Variants in CADPS observed in about 807,000 individuals in gnomAD.
The protein encoded by CADPS is calcium dependent secretion activator, also known as calcium-dependent secretion activator 1.
Under a neutral mutation model 167.3 loss-of-function variants are expected in CADPS, and 57 were observed. The observed-to-expected ratio is 0.34, with a 90% CI of 0.28 to 0.42. The LOEUF is 0.42. Ranked by LOEUF, CADPS falls within the 20% of genes least tolerant of loss-of-function variation. The pLI is 1.00. For synonymous variants in CADPS, 676 were observed against 635.3 expected, an observed-to-expected ratio of 1.06 and a Z score of -0.96; for missense variants, 1,414 against 1,738.1, an observed-to-expected ratio of 0.81 and a Z score of 3.32.
intron 1 of CADPS, among the ~76,000 whole-genome samples, chr3:62,837,480 C>T (rs148070985): frequency 6.6e-6 from 1 of 152,310 alleles, no homozygotes; most frequent in Admixed American, 6.5e-5. Flanking sequence ...ATGGAGAAAG[C>T]ATAGCCGTGG....
intron 28 of CADPS, among the ~76,000 whole-genome samples, chr3:62,419,779 T>C (rs2050919161): frequency 6.6e-6 from 1 of 152,126 alleles, no homozygotes; most frequent in South Asian, 2.1e-4. Context: ...GCATACCATA[T>C]AGAAATGATT....
At chr3:62,501,243 A>G (rs989712050) in intron 17 of CADPS, among the ~76,000 whole-genome samples, 3 of 152,230 alleles carry the variant, frequency 2.0e-5, no homozygotes, top group African/African-American at 7.2e-5. Context: ...ATTTAGAGAA[A>G]GAGTGTATGA....
At chr3:62,636,672 T>C (rs2066375899) in intron 6 of CADPS, among the ~76,000 whole-genome samples, 1 of 152,034 alleles carries the variant, frequency 6.6e-6, no homozygotes, top group Admixed American at 6.6e-5. Context: ...ACATAGAAAG[T>C]ATTATCTTAG....
intron 1 of CADPS, among the ~76,000 whole-genome samples, chr3:62,831,386 T>C (rs2075051875): frequency 6.6e-6 from 1 of 152,146 alleles, no homozygotes; most frequent in Non-Finnish European, 1.5e-5. Context: ...TTTTATCCCC[T>C]GCATGAGGCT....
At chr3:62,655,111 G>A (rs903601230) in intron 4 of CADPS, among the ~76,000 whole-genome samples, 2 of 152,098 alleles carry the variant, frequency 1.3e-5, no homozygotes, top group African/African-American at 4.8e-5. Context: ...AGTTCCTAAT[G>A]ACATCATAAA....
intron 3 of CADPS, among the ~76,000 whole-genome samples, chr3:62,699,722 C>T (rs1054399893): frequency 1.3e-4 from 20 of 152,062 alleles, no homozygotes; most frequent in African/African-American, 4.8e-4. Context: ...GCATCTGCCA[C>T]CACACCCGGC....
At chr3:62,533,954 C>T (rs1440381175) in intron 12 of CADPS, among the ~76,000 whole-genome samples, 1 of 152,090 alleles carries the variant, frequency 6.6e-6, no homozygotes, top group Non-Finnish European at 1.5e-5. Flanking sequence ...CTCTGCTATA[C>T]AAGACAATGG....
intron 17 of CADPS, among the ~76,000 whole-genome samples, chr3:62,501,211 T>C (rs1175042074): frequency 6.6e-6 from 1 of 152,222 alleles, no homozygotes; most frequent in Non-Finnish European, 1.5e-5. Context: ...GAGAGCCCAT[T>C]GCCTGGTCTA....
chr3:62,459,207 A>C (rs1472919990), intron 26 of CADPS, among the ~76,000 whole-genome samples: 6 of 152,228 alleles, frequency 3.9e-5, no homozygotes, highest in African/African-American at 1.4e-4. Context: ...ACATTAGAAA[A>C]AATAAATGGT....
Position 62,771,770 on chromosome 3 carries a change from G to A in CADPS, c.442-5786C>T, listed in dbSNP as rs183528438. ...AGCAGCGTTTGCTAGAACTATTCAA[G>A]CATTCTTGGTTCCGTCTACCTCATT... On this transcript the variant is annotated intron_variant, in intron 1 of 29. Coordinates refer to ENST00000383710, the MANE Select transcript of CADPS (RefSeq NM_003716.4). Among the ~76,000 whole-genome samples, 3 of 152,298 alleles carry A rather than the reference G, an allele frequency of 2.0e-5. No individual in the cohort carries two copies. The East Asian group carries it at 5.8e-4, about 29-fold the overall frequency.
chr3:62,749,454 G>A (rs1215085477), intron 3 of CADPS, among the ~76,000 whole-genome samples: 1 of 152,184 alleles, frequency 6.6e-6, no homozygotes, highest in East Asian at 1.9e-4. Flanking sequence ...AAAACATTAA[G>A]CACATTTTGG....
chr3:62,437,519 A>G (rs1407018448), intron 28 of CADPS, among the ~76,000 whole-genome samples: 1 of 152,000 alleles, frequency 6.6e-6, no homozygotes, highest in Admixed American at 6.6e-5. Context: ...CTCATAAATT[A>G]TCAGCTGGCT....
intron 19 of CADPS, 62 bp from the exon 20 acceptor site, chr3:62,492,508 G>T: frequency 6.6e-7 from 1 of 1,515,034 alleles, no homozygotes; most frequent in Non-Finnish European, 9.1e-7. Flanking sequence ...TCGGACATAA[G>T]ACGTGAATTC....
chr3:62,596,987 T>A (rs2059029518), intron 6 of CADPS, among the ~76,000 whole-genome samples: 1 of 152,190 alleles, frequency 6.6e-6, no homozygotes, highest in South Asian at 2.1e-4. Flanking sequence ...TTATCAGTAA[T>A]AAGCATTATT....
At chr3:62,402,968 T>C (rs550695377) in intron 29 of CADPS, 113 bp downstream of exon 29, 4 of 586,446 alleles carry the variant, frequency 6.8e-6, no homozygotes, top group East Asian at 6.0e-5. Context: ...TTGTATGAGA[T>C]ACTATTTTAT....
Position 62,859,366 on chromosome 3 carries a change from T to C in CADPS, c.441+15223A>G, listed in dbSNP as rs540286073. On this transcript the variant is annotated intron_variant, in intron 1 of 29. Coordinates refer to ENST00000383710, the MANE Select transcript of CADPS (RefSeq NM_003716.4). ...AATGGAGGCGGGAACAAGTGACACA[T>C]TACGCCCCTCTTTAAGAGCTCAGCA... Among the ~76,000 whole-genome samples, 85 of 152,264 alleles carry C rather than the reference T, an allele frequency of 5.6e-4. 1 individual carries two copies. In the South Asian group the frequency reaches 0.011, roughly 19 times the overall value.
chr3:62,528,114 G>A (rs2072751873), intron 13 of CADPS, among the ~76,000 whole-genome samples: 1 of 152,158 alleles, frequency 6.6e-6, no homozygotes, highest in Non-Finnish European at 1.5e-5. Context: ...GATGACTGCT[G>A]TAGCATCTCA....
intron 24 of CADPS, 84 bp from the exon 25 acceptor site, chr3:62,466,497 A>G: frequency 2.3e-6 from 2 of 864,990 alleles, no homozygotes; most frequent in Non-Finnish European, 1.9e-6. Context: ...AACTTAATTT[A>G]TAAATAAAGC....
At position 62,557,413 on chromosome 3, in the gene CADPS, G is replaced by C; in HGVS notation, c.1745C>G (p.Pro582Arg). 1 of 1,613,102 alleles carries C rather than the reference G, an allele frequency of 6.2e-7. No individual in the cohort carries two copies. The highest frequency in any genetic ancestry group is 8.5e-7 in the Non-Finnish European group (1 of 1,179,098). Residue 582 changes from proline (P) to arginine (R), a missense_variant, in exon 10 of 30, where the codon CCC (proline) becomes CGC (arginine). Pro to Arg is a moderately radical substitution (Grantham distance 103). Coordinates refer to ENST00000383710, the MANE Select transcript of CADPS (RefSeq NM_003716.4). The part of the protein sequence containing the change: ...LDGYTVDYTD[P>R]QPGLEGGRAF... ...TGAGGGTCGGTGGGTACCTGGCTGG[G>C]GGTCGGTGTAATCCACAGTGTAGCC...
Sources: gnomAD v4.1 joint callset for allele counts (sites outside exome capture counted in the v4.1 genomes callset) on GRCh38, gnomAD v4.1.1 for gene constraint, MANE v1.5 for transcripts, NCBI Gene and HGNC (gene_info 2026-07-23, HGNC 2026-07-21) for gene names.